Variants in HIBADH observed in about 807,000 individuals in gnomAD.
HIBADH encodes the protein 3-hydroxyisobutyrate dehydrogenase, mitochondrial.
A neutral mutation model predicts 36.1 loss-of-function variants in HIBADH; 25 were observed. The ratio of observed to expected loss-of-function variants is 0.69; its 90% confidence interval spans 0.50 to 0.97. HIBADH has a LOEUF of 0.97. Ranked by LOEUF, HIBADH falls within the 50% of genes least tolerant of loss-of-function variation. HIBADH has a pLI of 0.00. For synonymous variants in HIBADH, 160 were observed against 149.5 expected, an observed-to-expected ratio of 1.07 and a Z score of -0.51; for missense variants, 421 against 418.0, an observed-to-expected ratio of 1.01 and a Z score of -0.06.
chr7:27,576,803 C>T (rs1163454022), intron 4 of HIBADH, among the ~76,000 whole-genome samples: 2 of 152,208 alleles, frequency 1.3e-5, no homozygotes, highest in African/African-American at 2.4e-5. Context: ...TTTGTGAAAC[C>T]GTGGGGCTGG....
At chr7:27,651,824 A>C (rs1308365417) in intron 1 of HIBADH, among the ~76,000 whole-genome samples, 1 of 152,204 alleles carries the variant, frequency 6.6e-6, no homozygotes, top group Non-Finnish European at 1.5e-5. Flanking sequence ...CATAAACACT[A>C]ACATAAGACA....
At chr7:27,585,235 A>G (rs1220162395) in intron 4 of HIBADH, among the ~76,000 whole-genome samples, 2 of 149,338 alleles carry the variant, frequency 1.3e-5, no homozygotes, top group East Asian at 4.1e-4. Context: ...TTGCATGTGC[A>G]CACACGTGTG....
At chr7:27,554,881 A>G (rs929975742) in intron 4 of HIBADH, among the ~76,000 whole-genome samples, 1 of 152,178 alleles carries the variant, frequency 6.6e-6, no homozygotes, top group Non-Finnish European at 1.5e-5. Context: ...GTTGGGGTAC[A>G]GTTGAAGAGG....
At chr7:27,544,425 A>G (rs990752836) in intron 4 of HIBADH, among the ~76,000 whole-genome samples, 1 of 152,204 alleles carries the variant, frequency 6.6e-6, no homozygotes, top group Admixed American at 6.5e-5. Flanking sequence ...AAATTACACC[A>G]TTTTACAATA....
intron 1 of HIBADH, among the ~76,000 whole-genome samples, chr7:27,650,694 T>C (rs1786171334): frequency 7.3e-6 from 1 of 137,494 alleles, no homozygotes; most frequent in African/African-American, 2.8e-5. Context: ...AGTTTCACCA[T>C]GTTGACCAGG....
chr7:27,569,339 C>T (rs139094278), intron 4 of HIBADH, among the ~76,000 whole-genome samples: 2 of 152,238 alleles, frequency 1.3e-5, no homozygotes, highest in Non-Finnish European at 2.9e-5. Context: ...GAGACTTAAT[C>T]AGACTTTCCT....
intron 4 of HIBADH, among the ~76,000 whole-genome samples, chr7:27,601,253 G>T (rs575259748): frequency 6.6e-6 from 1 of 152,082 alleles, no homozygotes; most frequent in South Asian, 2.1e-4. Context: ...AAAGTTGTTG[G>T]AACAGATTTC....
intron 4 of HIBADH, among the ~76,000 whole-genome samples, chr7:27,584,746 AAATT>A (rs1454884880): frequency 6.6e-6 from 1 of 152,078 alleles, no homozygotes; most frequent in African/African-American, 2.4e-5. Flanking sequence ...AGATTTAATA[AAATT>A]AATAATTTTT....
intron 2 of HIBADH, among the ~76,000 whole-genome samples, chr7:27,645,824 G>A (rs1443877035): frequency 6.6e-6 from 1 of 152,098 alleles, no homozygotes; most frequent in Admixed American, 6.6e-5. Flanking sequence ...TGCTGGCGTT[G>A]TAAGACTTCT....
chr7:27,571,895 A>G (rs1459528702), intron 4 of HIBADH, among the ~76,000 whole-genome samples: 1 of 152,254 alleles, frequency 6.6e-6, no homozygotes, highest in Non-Finnish European at 1.5e-5. Context: ...ACTATTGTAA[A>G]GATTCAGGAG....
intron 4 of HIBADH, among the ~76,000 whole-genome samples, chr7:27,616,346 C>T (rs757394950): frequency 1.3e-5 from 2 of 152,166 alleles, no homozygotes; most frequent in Non-Finnish European, 2.9e-5. Flanking sequence ...CAAATTTCAA[C>T]ATGAGGTCTG....
intron 6 of HIBADH, among the ~76,000 whole-genome samples, chr7:27,532,456 CTGTT>C (rs1338626991): frequency 1.3e-5 from 2 of 152,198 alleles, no homozygotes; most frequent in Non-Finnish European, 2.9e-5. Context: ...AAACACATGC[CTGTT>C]TATTTCAAAA....
At chr7:27,585,242 T>C (rs1012676640) in intron 4 of HIBADH, among the ~76,000 whole-genome samples, 1 of 141,830 alleles carries the variant, frequency 7.1e-6, no homozygotes. Context: ...TGCACACACG[T>C]GTGCATATAT....
At chr7:27,607,871 G>A (rs539540246) in intron 4 of HIBADH, among the ~76,000 whole-genome samples, 1 of 152,194 alleles carries the variant, frequency 6.6e-6, no homozygotes, top group Non-Finnish European at 1.5e-5. Flanking sequence ...GGCTGTAAAA[G>A]CCAATTAACT....
At chr7:27,535,581 C>T (rs925649827) in intron 6 of HIBADH, among the ~76,000 whole-genome samples, 2 of 152,044 alleles carry the variant, frequency 1.3e-5, no homozygotes, top group African/African-American at 4.8e-5. Context: ...AAAACATCAT[C>T]AATGTTATTT....
chr7:27,619,256 C>T (rs1038211795), intron 4 of HIBADH, among the ~76,000 whole-genome samples: 2 of 152,144 alleles, frequency 1.3e-5, no homozygotes, highest in African/African-American at 2.4e-5. Context: ...CAACCGTAAT[C>T]AAAGCCAAAG....
chr7:27,530,282 T>C (rs1287001911), intron 7 of HIBADH, among the ~76,000 whole-genome samples: 1 of 152,130 alleles, frequency 6.6e-6, no homozygotes, highest in Non-Finnish European at 1.5e-5. Context: ...CTCAGCTGAC[T>C]GCCATCTCCA....
At chr7:27,560,885 T>C (rs1784456302) in intron 4 of HIBADH, among the ~76,000 whole-genome samples, 1 of 152,218 alleles carries the variant, frequency 6.6e-6, no homozygotes, top group Non-Finnish European at 1.5e-5. Context: ...ACCAATATCA[T>C]TTTCCACAGT....
intron 4 of HIBADH, among the ~76,000 whole-genome samples, chr7:27,577,238 A>C (rs1234999143): frequency 6.8e-6 from 1 of 146,622 alleles, no homozygotes; most frequent in African/African-American, 2.6e-5. Context: ...ATTTCGGCTC[A>C]CCACAACCTC....
Sources: gnomAD v4.1 joint callset for allele counts (sites outside exome capture counted in the v4.1 genomes callset) on GRCh38, gnomAD v4.1.1 for gene constraint, MANE v1.5 for transcripts, NCBI Gene and HGNC (gene_info 2026-07-23, HGNC 2026-07-21) for gene names.